The following FSHR variants were observed in gnomAD, a reference collection of about 807,000 sequenced individuals.
FSHR encodes follicle-stimulating hormone receptor.
FSHR carries 46 observed loss-of-function variants against 52.1 expected under a neutral mutation model. The observed-to-expected ratio is 0.88, with a 90% CI of 0.70 to 1.13. The LOEUF (loss-of-function observed/expected upper bound fraction) is 1.13, where lower values mean the gene tolerates loss of function less well. FSHR is among the 50% of genes most tolerant of loss of function. The pLI is 0.00. For synonymous variants in FSHR, 399 were observed against 309.6 expected, an observed-to-expected ratio of 1.29 and a Z score of -3.03; for missense variants, 964 against 834.6, an observed-to-expected ratio of 1.16 and a Z score of -1.91.
chr2:49,077,220 G>A (rs1264691125), intron 1 of FSHR, among the ~76,000 whole-genome samples: 1 of 152,228 alleles, frequency 6.6e-6, no homozygotes, highest in South Asian at 2.1e-4. Context: ...TGAAATCTAG[G>A]TGGAGGTTTC....
intron 8 of FSHR, among the ~76,000 whole-genome samples, chr2:48,975,057 C>T (rs77086493): frequency 6.4e-4 from 98 of 152,090 alleles, no homozygotes; most frequent in Middle Eastern, 3.4e-3. Flanking sequence ...ATTGTGACCA[C>T]GATAGTTAAT....
chr2:49,153,698 CCT>C, intron 1 of FSHR, among the ~76,000 whole-genome samples: 1 of 151,966 alleles, frequency 6.6e-6, no homozygotes, highest in East Asian at 1.9e-4. Context: ...TGTATTTCTC[CCT>C]CTCTCTGTGT....
intron 2 of FSHR, among the ~76,000 whole-genome samples, chr2:49,067,091 A>G (rs1669533211): frequency 6.6e-6 from 1 of 152,084 alleles, no homozygotes. Context: ...AGAAATTGGA[A>G]ATCACGTAAG....
chr2:49,047,424 G>A (rs1407738226), intron 2 of FSHR, among the ~76,000 whole-genome samples: 3 of 152,164 alleles, frequency 2.0e-5, no homozygotes, highest in Admixed American at 6.5e-5. Context: ...ATCAAAAGAC[G>A]GGATCTCTAA....
chr2:49,127,841 CTT>C (rs1672098295), intron 1 of FSHR, among the ~76,000 whole-genome samples: 1 of 16,198 alleles, frequency 6.2e-5, no homozygotes, highest in Admixed American at 9.6e-4. Context: ...TCTTCTTCTT[CTT>C]CTTCTTCTTC....
At chr2:49,096,587 A>C (rs770111082) in intron 1 of FSHR, among the ~76,000 whole-genome samples, 6 of 152,224 alleles carry the variant, frequency 3.9e-5, no homozygotes, top group Non-Finnish European at 8.8e-5. Flanking sequence ...TGTTCACTTA[A>C]AAAGAGTGAA....
At chr2:49,071,698 T>C (rs1287416383) in intron 1 of FSHR, among the ~76,000 whole-genome samples, 1 of 152,182 alleles carries the variant, frequency 6.6e-6, no homozygotes, top group East Asian at 1.9e-4. Context: ...TTCTGCAGGC[T>C]GTACAAGAAA....
chr2:49,003,989 C>A (rs562398900), intron 4 of FSHR, among the ~76,000 whole-genome samples: 21 of 152,280 alleles, frequency 1.4e-4, no homozygotes, highest in African/African-American at 4.8e-4. Context: ...TTAAACCTCC[C>A]AATATGAGGC....
At chr2:49,051,351 C>T (rs113597366) in intron 2 of FSHR, among the ~76,000 whole-genome samples, 2,253 of 152,244 alleles carry the variant, frequency 0.015, 45 homozygotes, top group African/African-American at 0.046. Context: ...CAGTAACCTA[C>T]TATTATCAGC....
intron 6 of FSHR, among the ~76,000 whole-genome samples, chr2:48,985,957 C>G (rs1332971836): frequency 1.3e-5 from 2 of 152,092 alleles, no homozygotes; most frequent in Non-Finnish European, 2.9e-5. Flanking sequence ...TCATGATCCA[C>G]CCGCCTCGGC....
chr2:49,093,347 G>C (rs1402974321), intron 1 of FSHR, among the ~76,000 whole-genome samples: 1 of 152,116 alleles, frequency 6.6e-6, no homozygotes, highest in East Asian at 1.9e-4. Flanking sequence ...AGTTGTATCA[G>C]TTTGTGATTC....
rs34987973 is a variant in FSHR at position 49,000,635 on chromosome 2, G to A, written c.375-9998C>T. ...GAAAGTAGTGTGGAGAGTTAAATTC[G>A]GGGAAAGACTTTGTGAGAAGGGTTT... On this transcript the variant is annotated intron_variant, in intron 4 of 9. Transcript: ENST00000406846. Among the ~76,000 whole-genome samples the A allele has an allele frequency of 3.7e-3, 558 of 152,144 alleles. 1 individual carries two copies. The highest frequency in any genetic ancestry group is 6.3e-3 in the Non-Finnish European group (425 of 67,966).
chr2:49,123,238 C>T (rs1239237039), intron 1 of FSHR, among the ~76,000 whole-genome samples: 2 of 152,190 alleles, frequency 1.3e-5, no homozygotes, highest in African/African-American at 2.4e-5. Flanking sequence ...CGGTGGTTCA[C>T]ATCTATAATC....
At chr2:49,077,555 A>C (rs139316802) in intron 1 of FSHR, among the ~76,000 whole-genome samples, 1 of 152,276 alleles carries the variant, frequency 6.6e-6, no homozygotes, top group African/African-American at 2.4e-5. Context: ...GCTGCTTGTT[A>C]CTTACGCAAA....
At chr2:49,132,871 A>G (rs900852860) in intron 1 of FSHR, among the ~76,000 whole-genome samples, 5 of 151,928 alleles carry the variant, frequency 3.3e-5, no homozygotes, top group Non-Finnish European at 7.4e-5. Flanking sequence ...AAAATTATAA[A>G]AACCAAACAA....
In FSHR at chr2:48,999,814, G is replaced by A. The variant is rs2882157; in HGVS notation, c.375-9177C>T. On this transcript the variant is annotated intron_variant, in intron 4 of 9. Transcript: ENST00000406846. ...AAGTTTCCAAGAGAAGGAAATAGTCGGCTGGCTTTCCCAAACATACTGACT... is the reference window on the plus strand; with the variant it reads ...AAGTTTCCAAGAGAAGGAAATAGTCAGCTGGCTTTCCCAAACATACTGACT... 2.9e-3 allele frequency among the ~76,000 whole-genome samples: 435 copies of A among 152,020 alleles called. 6 individuals are homozygous for A. The highest frequency in any genetic ancestry group is 0.01 in the African/African-American group (424 of 41,474).
chr2:49,034,423 C>A (rs976882911), intron 2 of FSHR, among the ~76,000 whole-genome samples: 2 of 152,184 alleles, frequency 1.3e-5, no homozygotes, highest in African/African-American at 2.4e-5. Context: ...CTGTGGATAC[C>A]TTTAGAGCAA....
intron 1 of FSHR, among the ~76,000 whole-genome samples, chr2:49,120,207 G>T (rs974341613): frequency 3.3e-5 from 5 of 152,140 alleles, no homozygotes; most frequent in African/African-American, 1.2e-4. Context: ...AGAGGCGAAG[G>T]TTGCAGTGAG....
chr2:49,058,973 T>C (rs1315619893), intron 2 of FSHR, among the ~76,000 whole-genome samples: 3 of 152,152 alleles, frequency 2.0e-5, no homozygotes, highest in South Asian at 2.1e-4. Context: ...CTTTGGGTGA[T>C]TGGGGCAGAA....
Sources: gnomAD v4.1 joint callset for allele counts (sites outside exome capture counted in the v4.1 genomes callset) on GRCh38, gnomAD v4.1.1 for gene constraint, MANE v1.5 for transcripts, NCBI Gene and HGNC (gene_info 2026-07-23, HGNC 2026-07-21) for gene names.